The following UBE3D variants were observed in gnomAD, a reference collection of about 807,000 sequenced individuals.
UBE3D encodes the protein ubiquitin protein ligase E3D.
Under a neutral mutation model 49.6 loss-of-function variants are expected in UBE3D, and 48 were observed. That is an observed-to-expected ratio of 0.97 (90% confidence interval 0.77 to 1.23). The LOEUF (loss-of-function observed/expected upper bound fraction) is 1.23, where lower values mean the gene tolerates loss of function less well. Ranked by LOEUF, UBE3D falls within the 50% of genes most tolerant of loss-of-function variation. The pLI is 0.00. For synonymous variants in UBE3D, 189 were observed against 174.2 expected, an observed-to-expected ratio of 1.08 and a Z score of -0.67; for missense variants, 452 against 468.4, an observed-to-expected ratio of 0.96 and a Z score of 0.32.
chr6:82,891,930 G>A (rs758412287), downstream of UBE3D, among the ~76,000 whole-genome samples: 16 of 152,128 alleles, frequency 1.1e-4, no homozygotes, highest in Non-Finnish European at 2.1e-4. Context: ...GGGAGCCTGC[G>A]GCAGGCAAAT....
At chr6:83,007,902 C>T in intron 8 of UBE3D, among the ~76,000 whole-genome samples, 1 of 152,032 alleles carries the variant, frequency 6.6e-6, no homozygotes, top group Non-Finnish European at 1.5e-5. Context: ...CCGAGATTGA[C>T]CCACTACACT....
chr6:82,982,575 T>G (rs1249983212), intron 8 of UBE3D, among the ~76,000 whole-genome samples: 3 of 152,180 alleles, frequency 2.0e-5, no homozygotes, highest in Non-Finnish European at 4.4e-5. Context: ...CTTTAACATA[T>G]CCCTGTCCCC....
chr6:82,920,330 AAGT>A (rs1228913472), intron 9 of UBE3D, among the ~76,000 whole-genome samples: 1 of 152,238 alleles, frequency 6.6e-6, no homozygotes, highest in Non-Finnish European at 1.5e-5. Context: ...AGAGGACAAA[AAGT>A]AGTAAGAGAC....
intron 9 of UBE3D, among the ~76,000 whole-genome samples, chr6:82,943,846 A>G (rs1261890522): frequency 6.6e-6 from 1 of 152,030 alleles, no homozygotes; most frequent in Non-Finnish European, 1.5e-5. Context: ...GAGACTTCAC[A>G]TTAAACTCAG....
intron 1 of UBE3D, among the ~76,000 whole-genome samples, chr6:83,064,047 C>T (rs558918778): frequency 7.2e-5 from 11 of 151,882 alleles, no homozygotes; most frequent in Non-Finnish European, 1.5e-4. Flanking sequence ...GAAAACTTAG[C>T]AAGAAAAAGG....
intron 3 of UBE3D, among the ~76,000 whole-genome samples, chr6:83,051,681 T>C (rs929912828): frequency 3.9e-5 from 6 of 152,324 alleles, no homozygotes; most frequent in Non-Finnish European, 7.4e-5. Context: ...TGAGATCCCC[T>C]GAACCTTTCA....
At chr6:82,983,263 A>AT (rs556501889) in intron 8 of UBE3D, among the ~76,000 whole-genome samples, 8 of 150,582 alleles carry the variant, frequency 5.3e-5, no homozygotes, top group Admixed American at 2.0e-4. Context: ...AAATTTACCC[A>AT]TTTTTTGGCC....
chr6:82,890,577 G>A (rs947538138), downstream of UBE3D, among the ~76,000 whole-genome samples: 1 of 152,192 alleles, frequency 6.6e-6, no homozygotes, highest in African/African-American at 2.4e-5. Flanking sequence ...GTGTGCATGT[G>A]TGTGTTGCAT....
rs141630978 is a variant in UBE3D at position 82,952,503 on chromosome 6, C to T, written c.1149+4809G>A. Among the ~76,000 whole-genome samples the T allele has an allele frequency of 1.4e-4, 21 of 152,180 alleles. No homozygotes were observed. The East Asian group carries it at 4.1e-3, about 29-fold the overall frequency. On this transcript the variant is annotated intron_variant, in intron 9 of 9. Transcript: ENST00000369747. The stretch of plus-strand genomic sequence containing the variant: ...GCAGTGGCACAATCATGGCTCACTG[C>T]AGGATTGACCTCCAGGGCTCAAGCA...
At chr6:83,038,627 G>A in intron 4 of UBE3D, 142 bp from the exon 5 acceptor site, 1 of 689,170 alleles carries the variant, frequency 1.5e-6, no homozygotes, top group Non-Finnish European at 2.3e-6. Context: ...CATTTAGCTT[G>A]TATGCATAAT....
intron 3 of UBE3D, among the ~76,000 whole-genome samples, chr6:83,051,294 AG>A (rs1377006031): frequency 6.6e-6 from 1 of 152,168 alleles, no homozygotes; most frequent in Non-Finnish European, 1.5e-5. Flanking sequence ...TCCTGCCTCC[AG>A]GGCCTGCCGA....
chr6:82,944,744 G>A (rs1248538637), intron 9 of UBE3D, among the ~76,000 whole-genome samples: 2 of 152,178 alleles, frequency 1.3e-5, no homozygotes, highest in African/African-American at 4.8e-5. Context: ...GCCCTGAAGG[G>A]TGAGTCCCAG....
chr6:83,007,262 T>C (rs1353096904), intron 8 of UBE3D, among the ~76,000 whole-genome samples: 2 of 152,150 alleles, frequency 1.3e-5, no homozygotes, highest in African/African-American at 4.8e-5. Flanking sequence ...GAGAAAATAT[T>C]AATAATAGTC....
At chr6:83,030,817 C>T (rs573828581) in intron 5 of UBE3D, among the ~76,000 whole-genome samples, 1 of 152,188 alleles carries the variant, frequency 6.6e-6, no homozygotes, top group African/African-American at 2.4e-5. Flanking sequence ...GGCCAAAATG[C>T]TGATAGTGAT....
intron 8 of UBE3D, among the ~76,000 whole-genome samples, chr6:83,009,675 G>A (rs73749500): frequency 0.053 from 5,782 of 108,918 alleles, 311 homozygotes; most frequent in African/African-American, 0.12. Context: ...TTGAGTGAGC[G>A]CTCACATTTA....
Position 83,038,468 on chromosome 6 carries a change from G to A in UBE3D, c.615C>T (p.Thr205=), listed in dbSNP as rs754744091. Residue 205 remains threonine, a synonymous_variant, in exon 5 of 10, where the codon ACC becomes ACT. Coordinates refer to ENST00000369747, the MANE Select transcript of UBE3D (RefSeq NM_198920.3). The part of the protein sequence containing the change: ...NHCKLEPKAN[T]KVICKRCKVM... ...CCTTGCAACGCTTACAAATTACTTT[G>A]GTATTTGCCTTTGGTTCCTGTAGAA... 1.9e-5 allele frequency: 31 copies of A among 1,609,034 alleles called. No individual in the cohort carries two copies. Among genetic ancestry groups the A allele is most frequent in the Non-Finnish European group, 2.5e-5 (30 of 1,178,484 alleles).
chr6:82,892,002 T>C (rs930182959), downstream of UBE3D, among the ~76,000 whole-genome samples: 4 of 144,190 alleles, frequency 2.8e-5, no homozygotes, highest in African/African-American at 1.1e-4. Context: ...CAACGAGAGC[T>C]AAATTCCATC....
At chr6:83,023,257 T>C (rs1331770823) in intron 6 of UBE3D, among the ~76,000 whole-genome samples, 2 of 152,210 alleles carry the variant, frequency 1.3e-5, no homozygotes, top group Admixed American at 6.5e-5. Context: ...AAAAAACTTA[T>C]TGGTGACTGG....
At chr6:82,952,404 T>C (rs59346085) in intron 9 of UBE3D, among the ~76,000 whole-genome samples, 3,125 of 151,998 alleles carry the variant, frequency 0.021, 46 homozygotes, top group African/African-American at 0.037. Context: ...TATTATAATT[T>C]ATATTATTAT....
Sources: allele counts gnomAD v4.1 joint callset (sites outside exome capture counted in the v4.1 genomes callset), GRCh38; gene constraint gnomAD v4.1.1; transcripts MANE v1.5; gene names NCBI Gene and HGNC (gene_info 2026-07-23, HGNC 2026-07-21).